Variants in LAMA2 observed in about 807,000 individuals in gnomAD.
The protein encoded by LAMA2 is laminin subunit alpha 2, also known as laminin subunit alpha-2.
In LAMA2, 269 loss-of-function variants were observed where a neutral mutation model predicts 364.8. The ratio of observed to expected loss-of-function variants is 0.74; its 90% confidence interval spans 0.67 to 0.82. The LOEUF is 0.82. Among genes scored for constraint, LAMA2 ranks in the 40% least tolerant of loss-of-function variants. The probability of loss-of-function intolerance (pLI) is 0.00; values close to 1 mark genes in which losing one functional copy is unlikely to be tolerated. For missense variants in LAMA2, 3,807 were observed against 3,873.2 expected, an observed-to-expected ratio of 0.98 and a Z score of 0.45; for synonymous variants, 1,379 against 1,370.6, an observed-to-expected ratio of 1.01 and a Z score of -0.14.
intron 1 of LAMA2, among the ~76,000 whole-genome samples, chr6:129,036,555 G>A (rs778318152): frequency 5.3e-5 from 8 of 151,682 alleles, no homozygotes; most frequent in Admixed American, 2.0e-4. Flanking sequence ...CATTTTCACT[G>A]TAACCTGTTT....
chr6:129,385,112 G>GCAGA, intron 35 of LAMA2, among the ~76,000 whole-genome samples: 1 of 64 alleles, frequency 0.016, no homozygotes, highest in African/African-American at 0.062. Flanking sequence ...GGAAGGGAGG[G>GCAGA]AGGGAGGAGA....
At chr6:129,263,184 C>T (rs752035109) in intron 15 of LAMA2, among the ~76,000 whole-genome samples, 1 of 152,020 alleles carries the variant, frequency 6.6e-6, no homozygotes, top group Non-Finnish European at 1.5e-5. Context: ...ATTTGATGAG[C>T]GTGTATTTTG....
intron 12 of LAMA2, among the ~76,000 whole-genome samples, chr6:129,224,040 C>G (rs1357695016): frequency 1.3e-5 from 2 of 152,152 alleles, no homozygotes; most frequent in Admixed American, 1.3e-4. Flanking sequence ...ATTTGCAGTT[C>G]TCCTTGAAGA....
rs1407556785 is a variant in LAMA2, at chr6:129,330,573, G to GT, written c.4311+2168dup. Among the ~76,000 whole-genome samples the GT allele has an allele frequency of 3.2e-4, 36 of 111,192 alleles. No individual in the cohort carries two copies. In the South Asian group the frequency reaches 4.0e-3, roughly 13 times the overall value. The allele number at this position is 111,192 out of a possible 152,430, so 72.9% of individuals were successfully genotyped here. On this transcript the variant is annotated intron_variant, in intron 29 of 64. Coordinates refer to ENST00000421865, the MANE Select transcript of LAMA2 (RefSeq NM_000426.4). ...TGCCTCTCTGGTCTCCATTTGAAGC[G>GT]TTTTTTTGTTGTTGTTTGGTTTTTG...
intron 2 of LAMA2, among the ~76,000 whole-genome samples, chr6:129,057,478 A>C (rs1290839525): frequency 6.6e-6 from 1 of 152,256 alleles, no homozygotes; most frequent in South Asian, 2.1e-4. Flanking sequence ...ATTAAATGAT[A>C]GAAATATATT....
At chr6:129,452,942 T>C (rs1055828857) in intron 45 of LAMA2, 46 bp from the exon 46 acceptor site, 1 of 1,581,730 alleles carries the variant, frequency 6.3e-7, no homozygotes, top group African/African-American at 1.3e-5. Flanking sequence ...CTTCAAACTT[T>C]CTGAGAGATT....
chr6:128,972,427 G>C (rs67885605), intron 1 of LAMA2, among the ~76,000 whole-genome samples: 1 of 152,122 alleles, frequency 6.6e-6, no homozygotes, highest in Admixed American at 6.5e-5. Context: ...CCTCATGCTT[G>C]TTGTGAACAT....
intron 53 of LAMA2, among the ~76,000 whole-genome samples, 190 bp from the exon 54 acceptor site, chr6:129,478,503 A>G (rs1784191505): frequency 2.0e-5 from 3 of 152,292 alleles, no homozygotes; most frequent in Admixed American, 2.0e-4. Context: ...CTTCTGCAGG[A>G]TAACATGAAC....
intron 4 of LAMA2, among the ~76,000 whole-genome samples, chr6:129,138,149 T>C (rs1299268102): frequency 6.6e-6 from 1 of 152,008 alleles, no homozygotes; most frequent in African/African-American, 2.4e-5. Flanking sequence ...CTAGTAGATA[T>C]CCAATACATA....
chr6:129,401,077 G>T, intron 37 of LAMA2, 147 bp from the exon 38 acceptor site: 1 of 731,544 alleles, frequency 1.4e-6, no homozygotes. Context: ...TGGCTAAGTA[G>T]TTTATATTTT....
Position 129,315,465 on chromosome 6 carries a change from A to G in LAMA2, c.3556-11A>G, listed in dbSNP as rs1373962687. 5 of 1,613,420 alleles carry G rather than the reference A, an allele frequency of 3.1e-6. No individual in the cohort carries two copies. The highest frequency in any genetic ancestry group is 1.3e-5 in the African/African-American group (1 of 74,868). ...AAATTCAGCCTTCTGCTGTATTTTG[A>G]CCCCTTGCAGGTGACTCTGAAGGCT... On this transcript the variant is annotated splice_polypyrimidine_tract_variant and intron_variant, in intron 24 of 64. Coordinates refer to ENST00000421865, the MANE Select transcript of LAMA2 (RefSeq NM_000426.4).
Position 129,440,899 on chromosome 6 carries a change from G to A in LAMA2, c.6169G>A (p.Glu2057Lys). ...TAKDVLAQIT[E>K]LHQNLDGLKK... ...TAAAGATGTACTGGCACAGATTACA[G>A]AGCTCCACCAGAACCTCGATGGCCT... The change falls in exon 43 of 65, where the codon GAG becomes AAG. Residue 2057 changes from glutamate (E) to lysine (K), a missense_variant. Physicochemically the swap from Glu to Lys is moderately conservative, Grantham distance 56. Transcript: ENST00000421865. 1.5e-5 allele frequency: 25 copies of A among 1,613,926 alleles called. No individual in the cohort carries two copies. The highest frequency in any genetic ancestry group is 2.0e-5 in the Non-Finnish European group (24 of 1,179,872).
intron 40 of LAMA2, among the ~76,000 whole-genome samples, chr6:129,406,414 A>T (rs1205186130): frequency 6.6e-6 from 1 of 152,212 alleles, no homozygotes; most frequent in Non-Finnish European, 1.5e-5. Context: ...TGAAATAACA[A>T]ATGCTATTTT....
intron 18 of LAMA2, among the ~76,000 whole-genome samples, chr6:129,285,213 C>T (rs2114407128): frequency 6.6e-6 from 1 of 152,234 alleles, no homozygotes. Context: ...CCTAACGGAA[C>T]ACCTTCAGAA....
chr6:129,260,247 TAAGAAA>T (rs780798587), intron 14 of LAMA2, among the ~76,000 whole-genome samples: 6 of 152,144 alleles, frequency 3.9e-5, no homozygotes, highest in Non-Finnish European at 8.8e-5. Flanking sequence ...GATTTATCTC[TAAGAAA>T]AAGAAAACAA....
At chr6:129,271,268 A>G (rs1049894027) in intron 17 of LAMA2, among the ~76,000 whole-genome samples, 9 of 152,046 alleles carry the variant, frequency 5.9e-5, no homozygotes, top group African/African-American at 2.2e-4. Context: ...TTGTTCACCT[A>G]GAACAACCAC....
intron 1 of LAMA2, among the ~76,000 whole-genome samples, chr6:129,045,756 G>C (rs7738171): frequency 0.33 from 50,274 of 151,954 alleles, 9,707 homozygotes; most frequent in African/African-American, 0.54. Context: ...CTTTATCCCT[G>C]GTCTCTTTTC....
chr6:129,353,254 C>T lies in LAMA2; in HGVS notation c.4614C>T (p.Pro1538=), dbSNP rs751983542. ...ECDPYGSLPV[P]CDPVTGFCTC... is the part of the protein sequence containing the mutation. ...ATCCCTATGGCTCACTGCCTGTGCC[C>T]TGTGACCCTGTCACAGGATTCTGCA... The change falls in exon 32 of 65, where the codon CCC becomes CCT. Residue 1538 remains proline, a synonymous_variant. Transcript: ENST00000421865. 1 of 1,614,102 alleles carries T rather than the reference C, an allele frequency of 6.2e-7. No individual in the cohort carries two copies. The highest frequency in any genetic ancestry group is 1.1e-5 in the South Asian group (1 of 91,082).
intron 20 of LAMA2, among the ~76,000 whole-genome samples, chr6:129,294,839 C>A (rs1297724291): frequency 2.6e-5 from 4 of 152,016 alleles, no homozygotes; most frequent in African/African-American, 9.7e-5. Context: ...GGCCTGATTA[C>A]TATTATTATT....
Sources: gnomAD v4.1 joint callset for allele counts (sites outside exome capture counted in the v4.1 genomes callset) on GRCh38, gnomAD v4.1.1 for gene constraint, MANE v1.5 for transcripts, NCBI Gene and HGNC (gene_info 2026-07-23, HGNC 2026-07-21) for gene names.